Variants in SULT1B1 observed in about 807,000 individuals in gnomAD.
The protein encoded by SULT1B1 is sulfotransferase 1B1.
SULT1B1 carries 28 observed loss-of-function variants against 34.6 expected under a neutral mutation model. The ratio of observed to expected loss-of-function variants is 0.81; its 90% CI spans 0.60 to 1.11. SULT1B1 has a LOEUF of 1.11. Ranked by LOEUF, SULT1B1 falls within the 50% of genes least tolerant of loss-of-function variation. The pLI is 0.00. For synonymous variants in SULT1B1, 147 were observed against 110.2 expected (o/e 1.33, Z -2.09); for missense variants, 374 against 352.2 (o/e 1.06, Z -0.50).
chr4:69,741,540 T>G (rs947480792), intron 4 of SULT1B1, among the ~76,000 whole-genome samples: 3 of 152,220 alleles, frequency 2.0e-5, no homozygotes, highest in African/African-American at 4.8e-5. Flanking sequence ...TCCATTAGTT[T>G]TTGTCATTTC....
At chr4:69,749,019 A>G (rs1271625037) in intron 4 of SULT1B1, among the ~76,000 whole-genome samples, 7 of 152,234 alleles carry the variant, frequency 4.6e-5, no homozygotes, top group African/African-American at 1.7e-4. Context: ...AAAAGCAGAA[A>G]TCTATGATAC....
chr4:69,733,591 A>G (rs1718175458), intron 5 of SULT1B1, 84 bp from the exon 6 acceptor site: 2 of 1,057,248 alleles, frequency 1.9e-6, no homozygotes, highest in South Asian at 3.6e-5. Flanking sequence ...TTGTGAAAAC[A>G]TTTTGAATTT....
chr4:69,730,556 A>C lies in SULT1B1; in HGVS notation c.723T>G (p.Tyr241Ter), dbSNP rs745344221. 6.2e-7 allele frequency: 1 copy of C among 1,612,936 alleles called. No homozygotes were observed. The highest frequency in any genetic ancestry group is 8.5e-7 in the Non-Finnish European group (1 of 1,179,214). Residue 241 changes from tyrosine to a stop codon, truncating the protein, a stop_gained, in exon 7 of 8, where the codon TAT becomes TAG. Transcript: ENST00000310613. LOFTEE classifies it high-confidence loss of function. Reference protein sequence around the residue: ...EVMKDNPLVNYTHLPTTVMDH... With the variant: ...EVMKDNPLVN ...CCATCACTGTAGTTGGTAGATGTGT[A>C]TAATTTACCAAAGGATTGTCCTTCA...
intron 3 of SULT1B1, among the ~76,000 whole-genome samples, chr4:69,754,363 T>G (rs1719104213): frequency 6.6e-6 from 1 of 152,198 alleles, no homozygotes; most frequent in African/African-American, 2.4e-5. Flanking sequence ...AACAAAGTCC[T>G]AAATTAGGAA....
chr4:69,730,390 A>G, intron 7 of SULT1B1, 111 bp downstream of exon 7: 1 of 949,058 alleles, frequency 1.1e-6, no homozygotes, highest in Non-Finnish European at 1.5e-6. Context: ...GGTATTTGCT[A>G]TAAAGCTTAA....
At chr4:69,759,114 G>A (rs1030876581) in intron 1 of SULT1B1, among the ~76,000 whole-genome samples, 9 of 152,182 alleles carry the variant, frequency 5.9e-5, no homozygotes, top group African/African-American at 2.2e-4. Context: ...AAAACAAATT[G>A]TACTGATTGT....
chr4:69,721,417 A>G lies in SULT1B1; in HGVS notation c.*5671T>C, dbSNP rs187273806. Reference sequence around the variant, plus strand: ...CAGTTATCTGAAGATTGCTGCACAAAATAATTGTTTTCCCATATATCATTA... The same window carrying G: ...CAGTTATCTGAAGATTGCTGCACAAGATAATTGTTTTCCCATATATCATTA... On this transcript the variant is annotated 3_prime_UTR_variant, in exon 8 of 8. Coordinates refer to ENST00000310613, the MANE Select transcript of SULT1B1 (RefSeq NM_014465.4). 46 of 152,224 alleles carry G rather than the reference A, an allele frequency of 3.0e-4. No individual in the cohort carries two copies. Among genetic ancestry groups the G allele is most frequent in the African/African-American group, 9.1e-4 (38 of 41,556 alleles). 9.4% of individuals were successfully genotyped at this position (152,224 alleles called of 1,614,324 possible).
At chr4:69,737,306 G>A (rs559751308) in intron 4 of SULT1B1, among the ~76,000 whole-genome samples, 28 of 152,234 alleles carry the variant, frequency 1.8e-4, no homozygotes, top group Non-Finnish European at 2.6e-4. Flanking sequence ...GGAAAACTAA[G>A]AGAATCAATT....
intron 4 of SULT1B1, among the ~76,000 whole-genome samples, chr4:69,744,627 T>C (rs1718681749): frequency 6.6e-6 from 1 of 152,240 alleles, no homozygotes; most frequent in Non-Finnish European, 1.5e-5. Context: ...TTTTTTTCTT[T>C]GTGAATCTAG....
chr4:69,753,321 T>A (rs1719052389), intron 3 of SULT1B1, among the ~76,000 whole-genome samples: 1 of 152,144 alleles, frequency 6.6e-6, no homozygotes, highest in African/African-American at 2.4e-5. Flanking sequence ...CATCAACAAG[T>A]CACAAATATG....
Position 69,723,740 on chromosome 4 carries a change from T to C in SULT1B1, c.*3348A>G, listed in dbSNP as rs887793677. The stretch of plus-strand genomic sequence containing the variant: ...TTCAACATATGCAAATCAATAAATG[T>C]AATCCAGCATATAAACAGAACCAAA... On this transcript the variant is annotated 3_prime_UTR_variant, in exon 8 of 8. Transcript: ENST00000310613. The C allele has an allele frequency of 6.6e-6, 1 of 152,212 alleles. No individual in the cohort carries two copies. 9.4% of individuals were successfully genotyped at this position (152,212 alleles called of 1,614,324 possible). A position where few individuals can be genotyped will look rare whatever the true frequency, so the allele number is the denominator to read the frequency against.
chr4:69,733,374 A>G, intron 6 of SULT1B1, 39 bp downstream of exon 6: 1 of 1,416,490 alleles, frequency 7.1e-7, no homozygotes, highest in Non-Finnish European at 9.8e-7. Context: ...AGCATGATGC[A>G]GTGGGGAAAT....
chr4:69,733,592 T>A, intron 5 of SULT1B1, 85 bp from the exon 6 acceptor site: 1 of 1,051,426 alleles, frequency 9.5e-7, no homozygotes, highest in Non-Finnish European at 1.3e-6. Flanking sequence ...TGTGAAAACA[T>A]TTTGAATTTA....
At chr4:69,755,350 T>A in intron 1 of SULT1B1, 89 bp from the exon 2 acceptor site, 1 of 1,007,566 alleles carries the variant, frequency 9.9e-7, no homozygotes, top group Non-Finnish European at 1.4e-6. Context: ...AAAATTGGCC[T>A]TTAACATTCT....
chr4:69,751,448 G>C (rs1391827549), intron 3 of SULT1B1, among the ~76,000 whole-genome samples: 1 of 152,112 alleles, frequency 6.6e-6, no homozygotes, highest in Admixed American at 6.5e-5. Flanking sequence ...TCAGGCTCTG[G>C]AGTTTGTTTG....
At chr4:69,728,356 A>G (rs1204136969) in intron 7 of SULT1B1, among the ~76,000 whole-genome samples, 1 of 152,032 alleles carries the variant, frequency 6.6e-6, no homozygotes, top group African/African-American at 2.4e-5. Context: ...CAAACATTGG[A>G]CATAATCTAT....
chr4:69,755,374 T>G (rs1719150739), intron 1 of SULT1B1, 113 bp from the exon 2 acceptor site: 2 of 731,178 alleles, frequency 2.7e-6, no homozygotes, highest in Admixed American at 5.6e-5. Flanking sequence ...CACATGGAGA[T>G]CTAAGTACAA....
At chr4:69,746,187 G>A (rs911474720) in intron 4 of SULT1B1, among the ~76,000 whole-genome samples, 1 of 152,076 alleles carries the variant, frequency 6.6e-6, no homozygotes, top group Non-Finnish European at 1.5e-5. Context: ...TATATTTTGG[G>A]AATTGTTGTC....
chr4:69,759,058 C>T (rs1000695652), intron 1 of SULT1B1, among the ~76,000 whole-genome samples: 1 of 152,196 alleles, frequency 6.6e-6, no homozygotes, highest in African/African-American at 2.4e-5. Flanking sequence ...TCTAATGATA[C>T]AGGGTGTAAG....
Sources: gnomAD v4.1 joint callset for allele counts (sites outside exome capture counted in the v4.1 genomes callset) on GRCh38, gnomAD v4.1.1 for gene constraint, MANE v1.5 for transcripts, NCBI Gene and HGNC (gene_info 2026-07-23, HGNC 2026-07-21) for gene names.